Variants in SARS2 observed in about 807,000 individuals in gnomAD.
SARS2 encodes seryl-tRNA synthetase 2, mitochondrial.
Under a neutral mutation model 66.8 loss-of-function variants are expected in SARS2, and 52 were observed. That is an observed-to-expected ratio of 0.78 (90% confidence interval 0.62 to 0.98). The LOEUF is 0.98. Among genes scored for constraint, SARS2 ranks in the 50% least tolerant of loss-of-function variants. The pLI is 0.00. For synonymous variants in SARS2, 306 were observed against 281.4 expected (o/e 1.09, Z -0.87); for missense variants, 673 against 706.3 (o/e 0.95, Z 0.53).
chr19:38,926,802 C>G (rs1974636178), intron 1 of SARS2, among the ~76,000 whole-genome samples: 1 of 151,422 alleles, frequency 6.6e-6, no homozygotes, highest in Non-Finnish European at 1.5e-5. Flanking sequence ...CAAAAAAAGT[C>G]TCTAAACTAG....
Position 38,916,656 on chromosome 19 carries a change from C to T in SARS2, c.1161-342G>A, listed in dbSNP as rs201429094. Among the ~76,000 whole-genome samples, 347 of 127,504 alleles carry T rather than the reference C, an allele frequency of 2.7e-3. 6 individuals are homozygous for T. In the East Asian group the frequency reaches 0.071, roughly 26 times the overall value. The allele number at this position is 127,504 out of a possible 152,430, so 83.6% of individuals were successfully genotyped here. The stretch of plus-strand genomic sequence containing the variant: ...CATTCACACATTTGCACCTTCTAGG[C>T]ACCCTCGGTTTTTTTTTTTTTTTTG... On this transcript the variant is annotated intron_variant, in intron 12 of 15. Transcript: ENST00000221431.
intron 2 of SARS2, among the ~76,000 whole-genome samples, chr19:38,925,334 A>G (rs990051895): frequency 7.9e-5 from 12 of 152,096 alleles, no homozygotes; most frequent in Non-Finnish European, 1.6e-4. Context: ...AACAAAATAA[A>G]GATCCCTTCT....
At position 38,918,470 on chromosome 19, in the gene SARS2, G is replaced by C. The variant is rs79702490; in HGVS notation, c.868C>G (p.Arg290Gly). Residue 290 changes from arginine to glycine, a missense_variant, in exon 9 of 16, where the codon CGC (arginine) becomes GGC (glycine). Physicochemically the swap from Arg to Gly is moderately radical, Grantham distance 125. Coordinates refer to ENST00000221431, the MANE Select transcript of SARS2 (RefSeq NM_017827.4). Reference protein sequence around the residue: ...PSQIYNIDPARFKDLNLAGTA... With the variant: ...PSQIYNIDPAGFKDLNLAGTA... Reference sequence around the variant, plus strand: ...CCAGCCAGGTTGAGATCTTTGAAGCGGGCAGGGTCGATGTTGTAAATTTGG... The same window carrying C: ...CCAGCCAGGTTGAGATCTTTGAAGCCGGCAGGGTCGATGTTGTAAATTTGG... 7 of 1,614,072 alleles carry C rather than the reference G, an allele frequency of 4.3e-6. No individual in the cohort carries two copies. Among genetic ancestry groups the C allele is most frequent in the African/African-American group, 1.3e-5 (1 of 74,914 alleles).
chr19:38,921,369 C>T (rs1461125321), intron 5 of SARS2, 23 bp downstream of exon 5: 1 of 1,611,930 alleles, frequency 6.2e-7, no homozygotes, highest in African/African-American at 1.3e-5. Context: ...CTTGTCAGCT[C>T]CCAGGCCTGG....
chr19:38,915,930 C>A (rs1974405281), intron 14 of SARS2, 24 bp from the exon 15 acceptor site: 2 of 1,613,472 alleles, frequency 1.2e-6, no homozygotes, highest in South Asian at 2.2e-5. Flanking sequence ...ATGCTCGGAA[C>A]TGGCGCCCAC....
chr19:38,927,154 T>A (rs1192257972), intron 1 of SARS2, among the ~76,000 whole-genome samples: 9 of 151,878 alleles, frequency 5.9e-5, no homozygotes, highest in Non-Finnish European at 1.3e-4. Flanking sequence ...GCCAGGCTGG[T>A]CTGGAATTCC....
rs766722212 is a variant in SARS2 at position 38,926,287 on chromosome 19, T to A, written c.281A>T (p.Gln94Leu). The A allele has an allele frequency of 3.7e-6, 6 of 1,604,510 alleles. No individual in the cohort carries two copies. In the Admixed American group the frequency reaches 8.3e-5, roughly 22 times the overall value. The change falls in exon 2 of 16, where the codon CAG (glutamine) becomes CTG (leucine). Residue 94 changes from glutamine to leucine, a missense_variant. Gln to Leu is a moderately radical substitution (Grantham distance 113, BLOSUM62 -2). Coordinates refer to ENST00000221431, the MANE Select transcript of SARS2 (RefSeq NM_017827.4). ...ADLPAIISTW[Q>L]ELRQLQEQIR... ...CTGCTCCTGCAGCTGCCTCAGCTCCTGCCATGTCGAGATCTGGGGTGGATA... is the reference window on the plus strand; with the variant it reads ...CTGCTCCTGCAGCTGCCTCAGCTCCAGCCATGTCGAGATCTGGGGTGGATA...
intron 2 of SARS2, among the ~76,000 whole-genome samples, chr19:38,923,232 T>G: frequency 7.5e-6 from 1 of 132,820 alleles, no homozygotes. Context: ...TTTTTTTTTT[T>G]TTTTTTTGAG....
chr19:38,930,268 A>C, intron 1 of SARS2: 1 of 648,014 alleles, frequency 1.5e-6, no homozygotes, highest in East Asian at 2.8e-5. Flanking sequence ...AGGACACAGT[A>C]GGCATTCTTG....
chr19:38,919,820 G>A lies in SARS2; in HGVS notation c.701C>T (p.Ala234Val), dbSNP rs746619673. 16 of 1,614,194 alleles carry A rather than the reference G, an allele frequency of 9.9e-6. No individual in the cohort carries two copies. The highest frequency in any genetic ancestry group is 1.3e-5 in the Non-Finnish European group (15 of 1,180,028). The change falls in exon 7 of 16, where the codon GCT becomes GTT. Residue 234 changes from alanine to valine, a missense_variant. Physicochemically the swap from Ala to Val is moderately conservative, Grantham distance 64 (BLOSUM62 0). Transcript: ENST00000221431. ...CAGGCCGTGCTGCAGGAGGGCTCCA[G>A]CCCCGCGCAGGTAATAGGACCGGTG... The part of the protein sequence containing the change: ...SGHRSYYLRG[A>V]GALLQHGLVN...
intron 1 of SARS2, among the ~76,000 whole-genome samples, chr19:38,928,011 C>T (rs1038006598): frequency 5.9e-5 from 9 of 152,120 alleles, no homozygotes; most frequent in African/African-American, 1.4e-4. Context: ...CTAGCCTGGG[C>T]GACACAGCAA....
rs1309025527 is a variant in SARS2, at chr19:38,919,772, A to G, written c.749T>C (p.Leu250Pro). Residue 250 changes from leucine (L) to proline (P), a missense_variant, in exon 7 of 16, where the codon CTT becomes CCT. Leu to Pro is a moderately conservative substitution (Grantham distance 98). Transcript: ENST00000221431. ...TATCTTGGCCCATACCCGGCGGAGAAGCTTGTTGAATGTGAAGTTGACCAG... is the reference window on the plus strand; with the variant it reads ...TATCTTGGCCCATACCCGGCGGAGAGGCTTGTTGAATGTGAAGTTGACCAG... ...HGLVNFTFNK[L>P]LRRGFTPMTV... 1.9e-6 allele frequency: 3 copies of G among 1,614,062 alleles called. No homozygotes were observed. Among genetic ancestry groups the G allele is most frequent in the Non-Finnish European group, 2.5e-6 (3 of 1,179,926 alleles).
rs777861363 is a variant in SARS2, at chr19:38,915,707, C to A, written c.1456G>T (p.Gly486Cys). Residue 486 changes from glycine to cysteine, a missense_variant, in exon 16 of 16, where the codon GGC becomes TGC. Transcript: ENST00000221431. The part of the protein sequence containing the change: ...LVPPALQSYL[G>C]TDRITAPTHV... ...GTAGGGGCTGTGATCCGATCAGTGC[C>A]GAGGTAGGACTGGAGGGCAGGGGGC... The A allele has an allele frequency of 6.2e-7, 1 of 1,613,128 alleles. No homozygotes were observed. The highest frequency in any genetic ancestry group is 1.1e-5 in the South Asian group (1 of 91,054).
At chr19:38,916,167 TG>T (rs148495508) in intron 13 of SARS2, 38 bp from the exon 14 acceptor site, 8 of 1,612,994 alleles carry the variant, frequency 5.0e-6, no homozygotes, top group Non-Finnish European at 5.9e-6. Flanking sequence ...GGATCAGGGA[TG>T]GGGGGCAGGC....
chr19:38,915,712 T>G lies in SARS2; in HGVS notation c.1451A>C (p.Tyr484Ser). The change falls in exon 16 of 16, where the codon TAC becomes TCC. Residue 484 changes from tyrosine to serine, a missense_variant. Coordinates refer to ENST00000221431, the MANE Select transcript of SARS2 (RefSeq NM_017827.4). ...GGCTGTGATCCGATCAGTGCCGAGGTAGGACTGGAGGGCAGGGGGCACGAG... is the reference window on the plus strand; with the variant it reads ...GGCTGTGATCCGATCAGTGCCGAGGGAGGACTGGAGGGCAGGGGGCACGAG... The part of the protein sequence containing the change: ...SVLVPPALQS[Y>S]LGTDRITAPT... 1.2e-6 allele frequency: 2 copies of G among 1,612,790 alleles called. No individual in the cohort carries two copies. The highest frequency in any genetic ancestry group is 1.7e-6 in the Non-Finnish European group (2 of 1,179,460).
Position 38,917,711 on chromosome 19 carries a change from C to T in SARS2, c.1160+13G>A, listed in dbSNP as rs1468233658. The T allele has an allele frequency of 6.9e-7, 1 of 1,457,382 alleles. No homozygotes were observed. Among genetic ancestry groups the T allele is most frequent in the South Asian group, 1.1e-5 (1 of 88,114 alleles). The allele number at this position is 1,457,382 out of a possible 1,614,324, so 90.3% of individuals were successfully genotyped here. ...ACCCCTGCCATCCCTGGATCCCTGG[C>T]CCCTCTCCACACCGGAAGTGCAAGC... On this transcript the variant is annotated intron_variant, in intron 12 of 15. Transcript: ENST00000221431.
chr19:38,916,994 C>G (rs1442048346), intron 12 of SARS2, among the ~76,000 whole-genome samples: 2 of 149,806 alleles, frequency 1.3e-5, no homozygotes, highest in African/African-American at 4.9e-5. Flanking sequence ...CAGGGTCTCA[C>G]TCTGTTGCCC....
Position 38,930,496 on chromosome 19 carries a change from G to A in SARS2, c.241C>T (p.Leu81=), listed in dbSNP as rs1161147966. 1.9e-6 allele frequency: 3 copies of A among 1,605,064 alleles called. No individual in the cohort carries two copies. The highest frequency in any genetic ancestry group is 2.6e-6 in the Non-Finnish European group (3 of 1,174,576). The part of the protein sequence containing the change: ...AHALELRKGE[L]RSADLPAIIS... ...ATCGCGGGCAGGTCCGCCGAGCGCA[G>A]CTCCCCCTTGCGGAGCTCCAGGGCG... The change falls in exon 1 of 16, where the codon CTG becomes TTG. Residue 81 remains leucine, a synonymous_variant. Coordinates refer to ENST00000221431, the MANE Select transcript of SARS2 (RefSeq NM_017827.4).
Position 38,917,940 on chromosome 19 carries a change from C to T in SARS2, c.1031G>A (p.Arg344Gln), listed in dbSNP as rs774160061. Residue 344 changes from arginine to glutamine, a missense_variant, in exon 11 of 16, where the codon CGA becomes CAA. Transcript: ENST00000221431. ...NTGQEPRGLY[R>Q]VHHFTKVEMF... ...ACCAGCCTTGGTGAAGTGGTGTACT[C>T]GATACAGCCCCCGGGGTTCCTGTCC... 10 of 1,610,682 alleles carry T rather than the reference C, an allele frequency of 6.2e-6. No individual in the cohort carries two copies. Among genetic ancestry groups the T allele is most frequent in the East Asian group, 4.5e-5 (2 of 44,734 alleles).
Sources: allele counts gnomAD v4.1 joint callset (sites outside exome capture counted in the v4.1 genomes callset), GRCh38; gene constraint gnomAD v4.1.1; transcripts MANE v1.5; gene names NCBI Gene and HGNC (gene_info 2026-07-23, HGNC 2026-07-21).